Variants in NLRP5 observed in about 807,000 individuals in gnomAD.
NLRP5 encodes the protein NACHT, LRR and PYD domains-containing protein 5.
In NLRP5, 93 loss-of-function variants were observed where a neutral mutation model predicts 113.1. That is an observed-to-expected ratio of 0.82 (90% CI 0.70 to 0.98). NLRP5 has a LOEUF of 0.98. Among genes scored for constraint, NLRP5 ranks in the 50% least tolerant of loss-of-function variants. The pLI is 0.00. For missense variants in NLRP5, 1,808 were observed against 1,514.3 expected (o/e 1.19, Z -3.22); for synonymous variants, 751 against 600.7 (o/e 1.25, Z -3.66).
chr19:55,998,700 ATATGTGTG>A (rs1366512344), upstream of NLRP5, among the ~76,000 whole-genome samples: 7 of 89,578 alleles, frequency 7.8e-5, no homozygotes, highest in African/African-American at 3.4e-4. Context: ...ATATATATAT[ATATGTGTG>A]TGTGTGTATA....
chr19:55,997,279 C>T (rs114118824), upstream of NLRP5, among the ~76,000 whole-genome samples: 1,339 of 152,124 alleles, frequency 8.8e-3, 14 homozygotes, highest in African/African-American at 0.03. Flanking sequence ...GCTGATGAAC[C>T]ACCCTTGCAA....
the NLRP5 span, among the ~76,000 whole-genome samples, chr19:55,992,039 TAGACCCC>T: frequency 5.9e-4 from 90 of 152,172 alleles, 1 homozygote; most frequent in South Asian, 0.017. Flanking sequence ...CACCCTCAGG[TAGACCCC>T]AGTATCTGTG....
intron 3 of NLRP5, among the ~76,000 whole-genome samples, chr19:56,010,755 A>AAAAAAAAAAAAAAAAAAAAAAAAGT (rs78321861): frequency 1.6e-5 from 2 of 125,978 alleles, no homozygotes; most frequent in Non-Finnish European, 3.3e-5. Flanking sequence ...AAAAAAAAAA[A>AAAAAAAAAAAAAAAAAAAAAAAAGT]GTCCCTTGAA....
intron 9 of NLRP5, 74 bp from the exon 10 acceptor site, chr19:56,037,951 C>T (rs1335291012): frequency 2.9e-5 from 43 of 1,486,286 alleles, no homozygotes; most frequent in East Asian, 4.6e-5. Context: ...GCGCTGCTGG[C>T]GTGTGCTGAG....
Position 56,004,102 on chromosome 19 carries a change from G to C in NLRP5, c.442+7G>C, listed in dbSNP as rs772560368. On this transcript the variant is annotated splice_region_variant and intron_variant, in intron 2 of 14. Transcript: ENST00000390649. ...GCACGGGATGACATGAAAAGTAAGC[G>C]AGACTTGGGACAAGTCTAGGGCAGG... The C allele has an allele frequency of 5.6e-6, 9 of 1,595,002 alleles. No homozygotes were observed. The highest frequency in any genetic ancestry group is 6.0e-6 in the Non-Finnish European group (7 of 1,169,484).
At chr19:56,056,741 T>A (rs919437045) in intron 13 of NLRP5, among the ~76,000 whole-genome samples, 28 of 152,290 alleles carry the variant, frequency 1.8e-4, no homozygotes, top group African/African-American at 6.3e-4. Context: ...TGCTTAGATA[T>A]TATTTTAGAA....
At chr19:56,059,626 G>A (rs146395895) in intron 14 of NLRP5, among the ~76,000 whole-genome samples, 6 of 152,224 alleles carry the variant, frequency 3.9e-5, no homozygotes, top group African/African-American at 9.6e-5. Context: ...CCTCCGTCTC[G>A]CAGGTTCAAG....
intron 2 of NLRP5, among the ~76,000 whole-genome samples, chr19:56,005,340 TACAC>T (rs1218910403): frequency 1.4e-5 from 2 of 138,510 alleles, no homozygotes; most frequent in African/African-American, 5.6e-5. Flanking sequence ...TATATACACA[TACAC>T]ATACACATAT....
At chr19:56,038,451 C>T (rs913142008) in intron 10 of NLRP5, among the ~76,000 whole-genome samples, 2 of 152,132 alleles carry the variant, frequency 1.3e-5, no homozygotes, top group Non-Finnish European at 2.9e-5. Context: ...GCATAATGAC[C>T]TTCCCTCCTG....
intron 3 of NLRP5, among the ~76,000 whole-genome samples, chr19:56,011,401 T>G (rs1185892820): frequency 6.6e-6 from 1 of 152,122 alleles, no homozygotes; most frequent in Non-Finnish European, 1.5e-5. Context: ...GTGATTAAGA[T>G]GTTCTAAAAT....
In NLRP5 at chr19:56,027,133, G is replaced by T. The variant is rs756821750; in HGVS notation, c.900G>T (p.Val300=). The T allele has an allele frequency of 6.3e-7, 1 of 1,596,394 alleles. No homozygotes were observed. The highest frequency in any genetic ancestry group is 1.1e-5 in the South Asian group (1 of 88,010). Reference sequence around the variant, plus strand: ...AATCGGCTCTAGCCAGAAGGATCGTGCTGTGCTGGGCGCAAGGTGGACTCT... The same window carrying T: ...AATCGGCTCTAGCCAGAAGGATCGTTCTGTGCTGGGCGCAAGGTGGACTCT... The change falls in exon 7 of 15, where the codon GTG becomes GTT. Residue 300 remains valine (V), a synonymous_variant. Coordinates refer to ENST00000390649, the MANE Select transcript of NLRP5 (RefSeq NM_153447.4).
rs576688044 is a variant in NLRP5, at chr19:56,057,217, C to G, written c.3300-1023C>G. Among the ~76,000 whole-genome samples the G allele has an allele frequency of 5.9e-5, 9 of 152,314 alleles. No homozygotes were observed. The East Asian group carries it at 1.7e-3, about 29-fold the overall frequency. On this transcript the variant is annotated intron_variant, in intron 13 of 14. Coordinates refer to ENST00000390649, the MANE Select transcript of NLRP5 (RefSeq NM_153447.4). The stretch of plus-strand genomic sequence containing the variant: ...ATACCCACCACCTAATTTAAACAAT[C>G]ATTAGTATTTTAGTATATCTGGTGA...
intron 2 of NLRP5, among the ~76,000 whole-genome samples, chr19:56,006,213 G>A (rs1049399999): frequency 5.9e-5 from 9 of 152,080 alleles, no homozygotes; most frequent in African/African-American, 2.4e-5. Context: ...CTCATAGGTG[G>A]GAATTGAACA....
chr19:55,986,902 C>G, the NLRP5 span, among the ~76,000 whole-genome samples: 1 of 152,184 alleles, frequency 6.6e-6, no homozygotes, highest in Non-Finnish European at 1.5e-5. Context: ...ATTGAGCTTA[C>G]TAGGTGCCCC....
upstream of NLRP5, among the ~76,000 whole-genome samples, chr19:55,997,887 T>G (rs1361562674): frequency 2.0e-5 from 3 of 151,918 alleles, no homozygotes; most frequent in Admixed American, 6.6e-5. Flanking sequence ...ATTTGAAGGA[T>G]ATCTAGTCCT....
chr19:56,007,031 G>A (rs1006843420), intron 2 of NLRP5, among the ~76,000 whole-genome samples: 1 of 151,170 alleles, frequency 6.6e-6, no homozygotes, highest in Admixed American at 6.6e-5. Context: ...GAGCCACTGT[G>A]CCTGGCCTAA....
intron 3 of NLRP5, among the ~76,000 whole-genome samples, 167 bp from the exon 4 acceptor site, chr19:56,015,573 TTA>T (rs1351003335): frequency 6.6e-6 from 1 of 152,230 alleles, no homozygotes; most frequent in Non-Finnish European, 1.5e-5. Flanking sequence ...AATCTAGTAC[TTA>T]TGTTACTGGC....
chr19:55,995,516 A>C (rs902367458), upstream of NLRP5, among the ~76,000 whole-genome samples: 1 of 152,080 alleles, frequency 6.6e-6, no homozygotes, highest in Non-Finnish European at 1.5e-5. Context: ...TAGCTTTGTG[A>C]AGTCAGGTAA....
At chr19:56,032,131 G>A (rs1333315116) in intron 7 of NLRP5, among the ~76,000 whole-genome samples, 1 of 152,142 alleles carries the variant, frequency 6.6e-6, no homozygotes, top group Admixed American at 6.5e-5. Flanking sequence ...CAGATCATGA[G>A]ATCAGGAGTT....
Sources: gnomAD v4.1 joint callset for allele counts (sites outside exome capture counted in the v4.1 genomes callset) on GRCh38, gnomAD v4.1.1 for gene constraint, MANE v1.5 for transcripts, NCBI Gene and HGNC (gene_info 2026-07-23, HGNC 2026-07-21) for gene names.